The following ROR1 variants were observed in gnomAD, a reference collection of about 807,000 sequenced individuals.
ROR1 encodes the protein ROR family WNT receptor 1, also known as inactive tyrosine-protein kinase transmembrane receptor ROR1.
Under a neutral mutation model 78.8 loss-of-function variants are expected in ROR1, and 19 were observed. That is an observed-to-expected ratio of 0.24 (90% CI 0.17 to 0.35). The LOEUF is 0.35. Among genes scored for constraint, ROR1 ranks in the 10% least tolerant of loss-of-function variants. The pLI is 1.00. For missense variants in ROR1, 917 were observed against 1,177.8 expected (o/e 0.78, Z 3.24); for synonymous variants, 386 against 433.6 (o/e 0.89, Z 1.36).
At chr1:64,113,223 G>C (rs550893805) in intron 4 of ROR1, among the ~76,000 whole-genome samples, 1 of 152,146 alleles carries the variant, frequency 6.6e-6, no homozygotes, top group South Asian at 2.1e-4. Context: ...TTCTATTCAA[G>C]AATGTGCATA....
At chr1:63,987,716 G>A (rs1371440406) in intron 1 of ROR1, among the ~76,000 whole-genome samples, 1 of 152,118 alleles carries the variant, frequency 6.6e-6, no homozygotes, top group Non-Finnish European at 1.5e-5. Context: ...CTTGGCTGGA[G>A]CAACTACCTC....
At chr1:63,797,536 A>G (rs1644768796) in intron 1 of ROR1, among the ~76,000 whole-genome samples, 1 of 152,238 alleles carries the variant, frequency 6.6e-6, no homozygotes, top group Non-Finnish European at 1.5e-5. Flanking sequence ...CATCCAGCCC[A>G]GCAAGGGAAG....
At chr1:63,785,130 G>A (rs1644676299) in intron 1 of ROR1, among the ~76,000 whole-genome samples, 1 of 152,180 alleles carries the variant, frequency 6.6e-6, no homozygotes, top group Non-Finnish European at 1.5e-5. Flanking sequence ...ATTTCCGGAT[G>A]GGTTTAGACA....
chr1:63,823,034 AAAC>A (rs1456658398), intron 1 of ROR1, among the ~76,000 whole-genome samples: 1 of 152,190 alleles, frequency 6.6e-6, no homozygotes, highest in Non-Finnish European at 1.5e-5. Context: ...TTTAAAAAAA[AAAC>A]AACTTTCTGG....
At chr1:63,823,201 A>C (rs981839564) in intron 1 of ROR1, among the ~76,000 whole-genome samples, 4 of 152,074 alleles carry the variant, frequency 2.6e-5, no homozygotes, top group Admixed American at 6.6e-5. Flanking sequence ...TCGAGGACAG[A>C]TCTTCTTTCC....
chr1:64,139,973 C>T (rs1239843686), intron 5 of ROR1, 136 bp from the exon 6 acceptor site: 1 of 742,454 alleles, frequency 1.3e-6, no homozygotes, highest in African/African-American at 1.8e-5. Flanking sequence ...TGAAATGAAT[C>T]TCCTTCTCTG....
rs189249455 is a variant in ROR1, at chr1:63,785,865, G to A, written c.91+11357G>A. ...TTTCGATGATGTTCTTAATCCACCA[G>A]TGATTTAAACCTCTTTTTCTCTGTG... On this transcript the variant is annotated intron_variant, in intron 1 of 8. Coordinates refer to ENST00000371079, the MANE Select transcript of ROR1 (RefSeq NM_005012.4). Among the ~76,000 whole-genome samples the A allele has an allele frequency of 3.0e-3, 462 of 152,272 alleles. 5 individuals are homozygous for A. Among genetic ancestry groups the A allele is most frequent in the African/African-American group, 0.011 (437 of 41,556 alleles).
intron 4 of ROR1, among the ~76,000 whole-genome samples, chr1:64,082,722 G>A (rs1450269666): frequency 6.6e-6 from 1 of 152,178 alleles, no homozygotes; most frequent in Non-Finnish European, 1.5e-5. Context: ...CCTTGCACGT[G>A]GGCTCCCCAC....
chr1:64,017,900 G>C (rs1406529890), intron 2 of ROR1, among the ~76,000 whole-genome samples: 2 of 152,118 alleles, frequency 1.3e-5, no homozygotes, highest in Non-Finnish European at 2.9e-5. Flanking sequence ...TTACTCCCTT[G>C]GTACTATTTT....
chr1:63,863,547 G>T (rs115406179), intron 1 of ROR1, among the ~76,000 whole-genome samples: 77 of 152,230 alleles, frequency 5.1e-4, no homozygotes, highest in African/African-American at 1.7e-3. Context: ...ATGGGTCTGT[G>T]ATAATGCAAA....
intron 1 of ROR1, among the ~76,000 whole-genome samples, chr1:63,971,947 C>A (rs937990929): frequency 9.2e-5 from 14 of 152,164 alleles, no homozygotes; most frequent in Non-Finnish European, 1.9e-4. Flanking sequence ...TATTCTCCAG[C>A]CTTGATCAAA....
intron 1 of ROR1, among the ~76,000 whole-genome samples, chr1:63,982,761 G>A (rs1038117486): frequency 6.6e-6 from 1 of 152,140 alleles, no homozygotes; most frequent in African/African-American, 2.4e-5. Flanking sequence ...ACTAAAGGGA[G>A]CGGTAATAAT....
intron 4 of ROR1, among the ~76,000 whole-genome samples, chr1:64,060,260 A>G (rs527946017): frequency 5.3e-4 from 81 of 152,356 alleles, no homozygotes; most frequent in Non-Finnish European, 4.4e-4. Flanking sequence ...TACCTGATGC[A>G]TATTAGGAGC....
chr1:63,857,497 T>A lies in ROR1; in HGVS notation c.91+82989T>A, dbSNP rs187263542. Among the ~76,000 whole-genome samples, 156 of 152,330 alleles carry A rather than the reference T, an allele frequency of 1.0e-3. 1 individual carries two copies. The highest frequency in any genetic ancestry group is 2.9e-3 in the African/African-American group (122 of 41,582). ...GTTCTTATCTGAAGTGCCTTTTCCA[T>A]GTTGGATGTACTTAGATGCCTTTTA... is the stretch of plus-strand genomic sequence containing the variant. On this transcript the variant is annotated intron_variant, in intron 1 of 8. Coordinates refer to ENST00000371079, the MANE Select transcript of ROR1 (RefSeq NM_005012.4).
chr1:64,097,565 A>G (rs1647346728), intron 4 of ROR1, among the ~76,000 whole-genome samples: 1 of 111,034 alleles, frequency 9.0e-6, no homozygotes, highest in Non-Finnish European at 1.7e-5. Context: ...ATATATACAT[A>G]TTTCATATAG....
intron 1 of ROR1, among the ~76,000 whole-genome samples, chr1:63,871,660 A>G (rs1645252071): frequency 6.6e-6 from 1 of 152,200 alleles, no homozygotes; most frequent in South Asian, 2.1e-4. Context: ...ATTTGCCTTG[A>G]CAGTGCCTAT....
intron 1 of ROR1, among the ~76,000 whole-genome samples, chr1:63,924,908 C>T (rs1645687107): frequency 1.5e-5 from 2 of 131,232 alleles, no homozygotes; most frequent in South Asian, 2.9e-4. Context: ...GAAGGTTTTG[C>T]GGATTGGACC....
At chr1:63,853,109 T>C (rs1312927242) in intron 1 of ROR1, among the ~76,000 whole-genome samples, 1 of 152,180 alleles carries the variant, frequency 6.6e-6, no homozygotes, top group African/African-American at 2.4e-5. Flanking sequence ...AGGGAAAAGA[T>C]GTCTAATATG....
intron 1 of ROR1, among the ~76,000 whole-genome samples, chr1:63,996,474 C>T (rs908342928): frequency 6.6e-6 from 1 of 152,014 alleles, no homozygotes; most frequent in Non-Finnish European, 1.5e-5. Context: ...TTGAACATTG[C>T]CAGCCATCCA....
Sources: allele counts gnomAD v4.1 joint callset (sites outside exome capture counted in the v4.1 genomes callset), GRCh38; gene constraint gnomAD v4.1.1; transcripts MANE v1.5; gene names NCBI Gene and HGNC (gene_info 2026-07-23, HGNC 2026-07-21).